Variants in PPP1R21 observed in about 807,000 individuals in gnomAD.
PPP1R21 encodes the protein protein phosphatase 1 regulatory subunit 21.
PPP1R21 carries 85 observed loss-of-function variants against 112.8 expected under a neutral mutation model. The observed-to-expected ratio is 0.75, with a 90% CI of 0.63 to 0.90. The LOEUF (loss-of-function observed/expected upper bound fraction) is 0.90. Ranked by LOEUF, PPP1R21 falls within the 40% of genes least tolerant of loss-of-function variation. The probability of loss-of-function intolerance (pLI) is 0.00; values close to 1 mark genes in which losing one functional copy is unlikely to be tolerated. For missense variants in PPP1R21, 1,199 were observed against 901.5 expected, an observed-to-expected ratio of 1.33 and a Z score of -4.23; for synonymous variants, 381 against 322.3, an observed-to-expected ratio of 1.18 and a Z score of -1.95.
chr2:48,485,114 AT>A (rs1669221612), intron 13 of PPP1R21, among the ~76,000 whole-genome samples: 1 of 151,990 alleles, frequency 6.6e-6, no homozygotes, highest in Non-Finnish European at 1.5e-5. Flanking sequence ...CAGTATGGAG[AT>A]TTCTCTCATT....
chr2:48,483,759 A>G (rs908898429), intron 13 of PPP1R21, among the ~76,000 whole-genome samples: 1 of 152,092 alleles, frequency 6.6e-6, no homozygotes, highest in African/African-American at 2.4e-5. Flanking sequence ...TTTATTTTAA[A>G]TGCTAATCCA....
chr2:48,506,285 G>T (rs551076449), intron 18 of PPP1R21, among the ~76,000 whole-genome samples: 55 of 152,234 alleles, frequency 3.6e-4, no homozygotes, highest in Non-Finnish European at 6.8e-4. Flanking sequence ...GTAGAGACAG[G>T]GTTTCGCCAT....
chr2:48,446,581 G>A (rs1422729789), intron 1 of PPP1R21, among the ~76,000 whole-genome samples: 1 of 151,988 alleles, frequency 6.6e-6, no homozygotes. Context: ...TTATTAATTT[G>A]ATTTGATTAA....
intron 19 of PPP1R21, among the ~76,000 whole-genome samples, chr2:48,507,724 A>G (rs1670447292): frequency 7.0e-6 from 1 of 142,390 alleles, no homozygotes; most frequent in South Asian, 2.3e-4. Context: ...CAATAAATAT[A>G]AGACTGATTT....
intron 17 of PPP1R21, among the ~76,000 whole-genome samples, chr2:48,502,903 A>G (rs74368351): frequency 6.6e-6 from 1 of 151,972 alleles, no homozygotes; most frequent in Non-Finnish European, 1.5e-5. Flanking sequence ...GATGGCCTCA[A>G]TCTCCTGACC....
At chr2:48,498,160 G>T (rs568734522) in intron 16 of PPP1R21, among the ~76,000 whole-genome samples, 4 of 151,388 alleles carry the variant, frequency 2.6e-5, no homozygotes, top group African/African-American at 9.7e-5. Context: ...TATCTTATTG[G>T]TTTGCAAAAA....
Position 48,507,749 on chromosome 2 carries a change from C to CTTTTTTT in PPP1R21, c.2085+392_2085+398dup, listed in dbSNP as rs34546075. On this transcript the variant is annotated intron_variant, in intron 19 of 21. Coordinates refer to ENST00000294952, the MANE Select transcript of PPP1R21 (RefSeq NM_001135629.3). ...AAGACTGATTTGAGTGAGGCTCTGC[C>CTTTTTTT]TTTTTTTTTTTTTTTTTTTTTTTTT... is the stretch of plus-strand genomic sequence containing the variant. Among the ~76,000 whole-genome samples, 279 of 42,406 alleles carry CTTTTTTT rather than the reference C, an allele frequency of 6.6e-3. 51 individuals carry two copies. The highest frequency in any genetic ancestry group is 7.1e-3 in the Admixed American group (16 of 2,268). The allele number at this position is 42,406 out of a possible 152,430, so 27.8% of individuals were successfully genotyped here.
chr2:48,463,822 G>A (rs896406483), intron 7 of PPP1R21, among the ~76,000 whole-genome samples: 5 of 152,006 alleles, frequency 3.3e-5, no homozygotes, highest in Non-Finnish European at 7.4e-5. Context: ...GCAGTAGACC[G>A]AGGTGGAGGG....
chr2:48,480,130 T>C lies in PPP1R21; in HGVS notation c.1318+114T>C, dbSNP rs982663500. ...GTAATAGACCCCAGATAAAGGCTTA[T>C]TAGCATTTGGCTTATGTTGAGTGCA... is the stretch of plus-strand genomic sequence containing the variant. On this transcript the variant is annotated intron_variant, in intron 13 of 21. Transcript: ENST00000294952. 181 of 757,468 alleles carry C rather than the reference T, an allele frequency of 2.4e-4. 1 individual carries two copies. The South Asian group carries it at 2.5e-3, about 10-fold the overall frequency. The allele number at this position is 757,468 out of a possible 1,614,324, so 46.9% of individuals were successfully genotyped here.
At chr2:48,495,805 A>G in intron 16 of PPP1R21, 34 bp downstream of exon 16, 3 of 1,238,684 alleles carry the variant, frequency 2.4e-6, no homozygotes, top group Non-Finnish European at 3.6e-6. Flanking sequence ...AAATTGTTAA[A>G]GAACAGAAAT....
chr2:48,469,531 T>TAG (rs1314131149), intron 9 of PPP1R21, among the ~76,000 whole-genome samples: 1 of 65,854 alleles, frequency 1.5e-5, no homozygotes, highest in East Asian at 3.2e-4. Context: ...TATATATATA[T>TAG]ATATAGAGCA....
intron 11 of PPP1R21, among the ~76,000 whole-genome samples, chr2:48,473,003 T>TAA (rs1180323822): frequency 3.7e-5 from 5 of 134,648 alleles, no homozygotes; most frequent in African/African-American, 1.4e-4. Flanking sequence ...CCCTGTCTCT[T>TAA]AAAAAAAAAA....
At chr2:48,473,395 AC>A (rs1345678157) in intron 11 of PPP1R21, among the ~76,000 whole-genome samples, 1 of 152,200 alleles carries the variant, frequency 6.6e-6, no homozygotes, top group Non-Finnish European at 1.5e-5. Context: ...GAACCATTGC[AC>A]AAGTATTTAC....
intron 7 of PPP1R21, among the ~76,000 whole-genome samples, chr2:48,463,580 G>T (rs1422793355): frequency 6.6e-6 from 1 of 152,076 alleles, no homozygotes; most frequent in Non-Finnish European, 1.5e-5. Flanking sequence ...CTGACAGACG[G>T]GCAAAGTGAA....
intron 17 of PPP1R21, among the ~76,000 whole-genome samples, chr2:48,503,447 T>C (rs1311246970): frequency 1.3e-5 from 2 of 152,342 alleles, no homozygotes; most frequent in East Asian, 1.9e-4. Flanking sequence ...TTTTAAATAA[T>C]GTCTCATTTT....
At chr2:48,490,263 G>C (rs1669503682) in intron 14 of PPP1R21, among the ~76,000 whole-genome samples, 1 of 150,444 alleles carries the variant, frequency 6.6e-6, no homozygotes, top group Non-Finnish European at 1.5e-5. Context: ...AAAAGAAACT[G>C]CACTTTGGTC....
chr2:48,507,901 G>A (rs1670460973), intron 19 of PPP1R21, among the ~76,000 whole-genome samples: 1 of 151,144 alleles, frequency 6.6e-6, no homozygotes, highest in Non-Finnish European at 1.5e-5. Context: ...GAGTAGCTGG[G>A]ATTACAGGCA....
Position 48,502,676 on chromosome 2 carries a change from C to CTTTTTTT in PPP1R21, c.1936-2872_1936-2866dup, listed in dbSNP as rs762811938. The stretch of plus-strand genomic sequence containing the variant: ...AAAGTAACCTCAGATAGAAACTTTT[C>CTTTTTTT]TTTTTTTTTTTTTTTTTTTTTTGAG... On this transcript the variant is annotated intron_variant, in intron 17 of 21. Coordinates refer to ENST00000294952, the MANE Select transcript of PPP1R21 (RefSeq NM_001135629.3). Among the ~76,000 whole-genome samples the CTTTTTTT allele has an allele frequency of 1.8e-3, 168 of 93,992 alleles. 2 individuals carry two copies. The highest frequency in any genetic ancestry group is 2.3e-3 in the African/African-American group (57 of 24,816). The allele number at this position is 93,992 out of a possible 152,430, so 61.7% of individuals were successfully genotyped here. A position where few individuals can be genotyped will look rare whatever the true frequency, so the allele number is the denominator to read the frequency against.
Position 48,515,080 on chromosome 2 carries a change from T to G in PPP1R21, c.*336T>G, listed in dbSNP as rs1292821664. On this transcript the variant is annotated 3_prime_UTR_variant, in exon 22 of 22. Coordinates refer to ENST00000294952, the MANE Select transcript of PPP1R21 (RefSeq NM_001135629.3). ...ATATTTTGTATACTTTCAAACTCAATTATATGGTAATCGATTTGGTATCTA... is the reference window on the plus strand; with the variant it reads ...ATATTTTGTATACTTTCAAACTCAAGTATATGGTAATCGATTTGGTATCTA... The G allele has an allele frequency of 3.9e-6, 1 of 259,662 alleles. No individual in the cohort carries two copies. The highest frequency in any genetic ancestry group is 2.2e-5 in the African/African-American group (1 of 44,930). The allele number at this position is 259,662 out of a possible 1,614,324, so 16.1% of individuals were successfully genotyped here.
Sources: gnomAD v4.1 joint callset for allele counts (sites outside exome capture counted in the v4.1 genomes callset) on GRCh38, gnomAD v4.1.1 for gene constraint, MANE v1.5 for transcripts, NCBI Gene and HGNC (gene_info 2026-07-23, HGNC 2026-07-21) for gene names.